PRKCH: variants seen among roughly 807,000 people sequenced by gnomAD.
PRKCH encodes the protein protein kinase C eta, also known as protein kinase C eta type.
PRKCH carries 28 observed loss-of-function variants against 82.5 expected under a neutral mutation model. That is an observed-to-expected ratio of 0.34 (90% CI 0.25 to 0.47). The LOEUF is 0.47. Among genes scored for constraint, PRKCH ranks in the 20% least tolerant of loss-of-function variants. The probability of loss-of-function intolerance (pLI) is 1.00; values close to 1 mark genes in which losing one functional copy is unlikely to be tolerated. For missense variants in PRKCH, 705 were observed against 881.8 expected (o/e 0.80, Z 2.54); for synonymous variants, 322 against 327.4 (o/e 0.98, Z 0.18).
chr14:61,213,140 T>C (rs2044594250), intron 1 of PRKCH, among the ~76,000 whole-genome samples: 1 of 152,160 alleles, frequency 6.6e-6, no homozygotes, highest in South Asian at 2.1e-4. Context: ...AATTCCTTGG[T>C]GCTGTTAGTG....
intron 2 of PRKCH, among the ~76,000 whole-genome samples, chr14:61,420,622 T>C (rs1218515250): frequency 1.3e-5 from 2 of 152,220 alleles, no homozygotes; most frequent in East Asian, 3.8e-4. Context: ...GTTTGGTTGC[T>C]TGTGAAGATC....
At chr14:61,508,609 A>C (rs1316841942) in intron 10 of PRKCH, among the ~76,000 whole-genome samples, 1 of 152,144 alleles carries the variant, frequency 6.6e-6, no homozygotes, top group African/African-American at 2.4e-5. Context: ...TGTGTCAGAA[A>C]AGCAGTCAGT....
intron 2 of PRKCH, among the ~76,000 whole-genome samples, chr14:61,431,675 C>T (rs947404145): frequency 6.6e-6 from 1 of 152,142 alleles, no homozygotes; most frequent in African/African-American, 2.4e-5. Flanking sequence ...AACAGTATAG[C>T]TCTGCAGTAA....
intron 1 of PRKCH, among the ~76,000 whole-genome samples, chr14:61,225,755 A>T (rs1237000521): frequency 1.5e-5 from 2 of 130,860 alleles, no homozygotes; most frequent in East Asian, 2.2e-4. Flanking sequence ...TTTTTTTTTT[A>T]ACAGACAGGG....
At chr14:61,347,957 GGA>G (rs1182279541) in intron 1 of PRKCH, 2 of 152,584 alleles carry the variant, frequency 1.3e-5, no homozygotes, top group African/African-American at 4.8e-5. Flanking sequence ...GGCCCAGGGA[GGA>G]GAGTATCTCA....
At chr14:61,470,036 T>C (rs941716413) in intron 9 of PRKCH, among the ~76,000 whole-genome samples, 6 of 151,462 alleles carry the variant, frequency 4.0e-5, no homozygotes, top group Non-Finnish European at 8.8e-5. Flanking sequence ...TGGCAGCTGC[T>C]CCCTGTGGCA....
At chr14:61,218,847 G>A (rs1320343747) in intron 1 of PRKCH, among the ~76,000 whole-genome samples, 2 of 152,012 alleles carry the variant, frequency 1.3e-5, no homozygotes, top group Non-Finnish European at 2.9e-5. Context: ...TTTGTAACCC[G>A]ATGCTCTATA....
chr14:61,332,739 A>G (rs144373945), intron 1 of PRKCH, among the ~76,000 whole-genome samples: 20 of 152,344 alleles, frequency 1.3e-4, no homozygotes, highest in African/African-American at 4.6e-4. Context: ...CCATGCACTT[A>G]GACAAAAACC....
At chr14:61,342,573 G>T (rs1453717216) in intron 1 of PRKCH, among the ~76,000 whole-genome samples, 3 of 152,154 alleles carry the variant, frequency 2.0e-5, no homozygotes, top group African/African-American at 7.2e-5. Flanking sequence ...TGAAGCCTTT[G>T]TTTTTTCAGA....
chr14:61,201,180 A>C (rs2044478273), intron 1 of PRKCH, among the ~76,000 whole-genome samples: 1 of 152,204 alleles, frequency 6.6e-6, no homozygotes, highest in Admixed American at 6.5e-5. Context: ...CCTAATAATA[A>C]TAACAATAAT....
chr14:61,255,803 T>C (rs2140076178), intron 1 of PRKCH, among the ~76,000 whole-genome samples: 1 of 152,312 alleles, frequency 6.6e-6, no homozygotes. Flanking sequence ...GACTTAATAA[T>C]TTTGGATAAC....
intron 1 of PRKCH, among the ~76,000 whole-genome samples, chr14:61,240,310 G>A (rs1266397922): frequency 6.6e-6 from 1 of 152,194 alleles, no homozygotes; most frequent in African/African-American, 2.4e-5. Context: ...TATATTGGGA[G>A]GTTGGAGGAA....
At chr14:61,511,015 A>C (rs1887354473) in intron 10 of PRKCH, among the ~76,000 whole-genome samples, 1 of 152,120 alleles carries the variant, frequency 6.6e-6, no homozygotes. Flanking sequence ...CGGAGGAGAC[A>C]CTTAGGGGTG....
intron 10 of PRKCH, among the ~76,000 whole-genome samples, chr14:61,510,636 C>G (rs1205014339): frequency 2.0e-5 from 3 of 152,088 alleles, no homozygotes; most frequent in African/African-American, 7.3e-5. Flanking sequence ...TGCGGCCTGG[C>G]TCTCCGGAGA....
intron 1 of PRKCH, among the ~76,000 whole-genome samples, chr14:61,378,122 C>T (rs1236361556): frequency 6.6e-6 from 1 of 152,222 alleles, no homozygotes; most frequent in East Asian, 1.9e-4. Flanking sequence ...CTAATTGAAA[C>T]TTGCCTTCAG....
chr14:61,308,567 C>A (rs1279970243), intron 1 of PRKCH, among the ~76,000 whole-genome samples: 1 of 152,172 alleles, frequency 6.6e-6, no homozygotes, highest in South Asian at 2.1e-4. Context: ...TTGTGTCTTT[C>A]TTGCTACTTG....
At chr14:61,421,551 C>T (rs1882833613) in intron 2 of PRKCH, among the ~76,000 whole-genome samples, 1 of 152,144 alleles carries the variant, frequency 6.6e-6, no homozygotes, top group Non-Finnish European at 1.5e-5. Context: ...TCCTTCCCTT[C>T]CTAGGCTGGT....
At chr14:61,232,539 C>T (rs1242475800) in intron 1 of PRKCH, among the ~76,000 whole-genome samples, 2 of 152,154 alleles carry the variant, frequency 1.3e-5, no homozygotes, top group African/African-American at 2.4e-5. Flanking sequence ...TTAAATGATA[C>T]AAATGAACAG....
intron 12 of PRKCH, among the ~76,000 whole-genome samples, chr14:61,530,966 A>G (rs1184408320): frequency 6.6e-6 from 1 of 152,194 alleles, no homozygotes; most frequent in East Asian, 1.9e-4. Context: ...CTGTTATTAT[A>G]TCAATTGTGT....
Sources: allele counts gnomAD v4.1 joint callset (sites outside exome capture counted in the v4.1 genomes callset), GRCh38; gene constraint gnomAD v4.1.1; transcripts MANE v1.5; gene names NCBI Gene and HGNC (gene_info 2026-07-23, HGNC 2026-07-21).